Variants in EIF4E3 observed in about 807,000 individuals in gnomAD.
EIF4E3 encodes eukaryotic translation initiation factor 4E family member 3.
In EIF4E3, 26 loss-of-function variants were observed where a neutral mutation model predicts 31.7. That is an observed-to-expected ratio of 0.82 (90% CI 0.60 to 1.14). The LOEUF (loss-of-function observed/expected upper bound fraction) is 1.14, where lower values mean the gene tolerates loss of function less well. EIF4E3 is among the 50% of genes most tolerant of loss of function. The probability of loss-of-function intolerance (pLI) is 0.00; values close to 1 mark genes in which losing one functional copy is unlikely to be tolerated. For missense variants in EIF4E3, 304 were observed against 270.9 expected (o/e 1.12, Z -0.86); for synonymous variants, 128 against 107.7 (o/e 1.19, Z -1.17).
In EIF4E3 at chr3:71,725,042, A is replaced by C; in HGVS notation, c.176+150T>G. The stretch of plus-strand genomic sequence containing the variant: ...AGCTGGCTTCCGACCCGGCGGGGCG[A>C]GTCCCGGGGTGCGCAGGCGGACGCG... On this transcript the variant is annotated intron_variant, in intron 1 of 6. Transcript: ENST00000425534. The surrounding 1 kb of genome is among the most constrained non-coding windows in gnomAD (Gnocchi z 6.1). The C allele has an allele frequency of 1.9e-6, 1 of 534,136 alleles. No homozygotes were observed. The highest frequency in any genetic ancestry group is 2.4e-6 in the Non-Finnish European group (1 of 413,424). The allele number at this position is 534,136 out of a possible 1,614,324, so 33.1% of individuals were successfully genotyped here.
At chr3:71,693,761 A>T (rs2049095116) in intron 5 of EIF4E3, 114 bp downstream of exon 5, 1 of 1,037,666 alleles carries the variant, frequency 9.6e-7, no homozygotes, top group African/African-American at 1.6e-5. Flanking sequence ...GTTCCAAAAT[A>T]AACAACTTCA....
At chr3:71,708,748 TA>T (rs1372565208) in intron 2 of EIF4E3, among the ~76,000 whole-genome samples, 1 of 152,098 alleles carries the variant, frequency 6.6e-6, no homozygotes, top group Non-Finnish European at 1.5e-5. Context: ...CTCTGAGGAT[TA>T]AAAAATGGCC....
At chr3:71,695,632 T>C (rs2049125544) in intron 4 of EIF4E3, among the ~76,000 whole-genome samples, 1 of 152,208 alleles carries the variant, frequency 6.6e-6, no homozygotes, top group Non-Finnish European at 1.5e-5. Context: ...TTTGCACCTT[T>C]GACAAATAAA....
At chr3:71,687,357 G>A (rs1004378084) in intron 6 of EIF4E3, among the ~76,000 whole-genome samples, 47 of 152,272 alleles carry the variant, frequency 3.1e-4, no homozygotes, top group African/African-American at 1.0e-3. Flanking sequence ...TAGGTAATAC[G>A]GAAACAAATG....
chr3:71,660,793 C>A, the EIF4E3 span, among the ~76,000 whole-genome samples: 2 of 152,154 alleles, frequency 1.3e-5, no homozygotes, highest in African/African-American at 4.8e-5. Context: ...AAGGAGATGT[C>A]GTTTTTGGAA....
At chr3:71,726,056 G>A (rs994127534), upstream of EIF4E3, among the ~76,000 whole-genome samples, 3 of 152,190 alleles carry the variant, frequency 2.0e-5, no homozygotes, top group African/African-American at 7.2e-5. Flanking sequence ...ACCGACTGGG[G>A]CATGAGGTTG....
chr3:71,710,266 G>A (rs2049355904), intron 2 of EIF4E3, 146 bp downstream of exon 2: 1 of 853,066 alleles, frequency 1.2e-6, no homozygotes, highest in Non-Finnish European at 1.9e-6. Flanking sequence ...CTTGGTCAAG[G>A]GCAGCTGTGC....
Position 71,698,040 on chromosome 3 carries a change from G to A in EIF4E3, c.345-1520C>T, listed in dbSNP as rs945033325. Reference sequence around the variant, plus strand: ...ATCTACATTTCCACCAACAGTGTACGAGGGCTCCCCTTTCTCCACACCCTC... The same window carrying A: ...ATCTACATTTCCACCAACAGTGTACAAGGGCTCCCCTTTCTCCACACCCTC... On this transcript the variant is annotated intron_variant, in intron 3 of 6. Transcript: ENST00000425534. Among the ~76,000 whole-genome samples, 7 of 152,124 alleles carry A rather than the reference G, an allele frequency of 4.6e-5. No individual in the cohort carries two copies. The South Asian group carries it at 1.0e-3, about 23-fold the overall frequency.
intron 6 of EIF4E3, among the ~76,000 whole-genome samples, chr3:71,688,537 G>C (rs2049021920): frequency 6.6e-6 from 1 of 152,206 alleles, no homozygotes; most frequent in Admixed American, 6.5e-5. Flanking sequence ...TAAAGTGCCT[G>C]ACTTAACGAC....
rs1341269717 is a variant in EIF4E3, at chr3:71,681,774, T to G, written c.*2908A>C. The stretch of plus-strand genomic sequence containing the variant: ...CTATAGGACCCAATTATACCTAAAG[T>G]TTCTAAGCTATAAAGTCTTGTGACT... On this transcript the variant is annotated 3_prime_UTR_variant, in exon 7 of 7. Transcript: ENST00000425534. 6.6e-6 allele frequency: 1 copy of G among 152,260 alleles called. No homozygotes were observed. Among genetic ancestry groups the G allele is most frequent in the East Asian group, 1.9e-4 (1 of 5,186 alleles). 9.4% of individuals were successfully genotyped at this position (152,260 alleles called of 1,614,324 possible). A position where few individuals can be genotyped will look rare whatever the true frequency, so the allele number is the denominator to read the frequency against.
chr3:71,689,486 C>T (rs976400951), intron 6 of EIF4E3, among the ~76,000 whole-genome samples: 2 of 152,130 alleles, frequency 1.3e-5, no homozygotes, highest in African/African-American at 4.8e-5. Flanking sequence ...AACATTTCAC[C>T]ACTAGGCGTG....
intron 1 of EIF4E3, among the ~76,000 whole-genome samples, chr3:71,744,599 G>A (rs1033194056): frequency 6.6e-6 from 1 of 152,120 alleles, no homozygotes; most frequent in Non-Finnish European, 1.5e-5. Context: ...ACAAAAATTA[G>A]CTGGGCATGG....
chr3:71,722,392 C>T (rs573666437), intron 1 of EIF4E3, among the ~76,000 whole-genome samples: 1 of 152,250 alleles, frequency 6.6e-6, no homozygotes, highest in East Asian at 1.9e-4. Context: ...GTGTAAATGG[C>T]ACAAAGAAGA....
rs983058993 is a variant in EIF4E3 at position 71,684,066 on chromosome 3, A to G, written c.*616T>C. 3 of 152,562 alleles carry G rather than the reference A, an allele frequency of 2.0e-5. No individual in the cohort carries two copies. The highest frequency in any genetic ancestry group is 7.2e-5 in the African/African-American group (3 of 41,464). 9.5% of individuals were successfully genotyped at this position (152,562 alleles called of 1,614,324 possible). A position where few individuals can be genotyped will look rare whatever the true frequency, so the allele number is the denominator to read the frequency against. ...ATTTTCCTTTTATCACTAAAAAAAAATGTTTTAAAAAGGAAAATTAAAGAT... is the reference window on the plus strand; with the variant it reads ...ATTTTCCTTTTATCACTAAAAAAAAGTGTTTTAAAAAGGAAAATTAAAGAT... On this transcript the variant is annotated 3_prime_UTR_variant, in exon 7 of 7. Transcript: ENST00000425534.
intron 1 of EIF4E3, among the ~76,000 whole-genome samples, chr3:71,731,045 A>G (rs577846756): frequency 9.4e-4 from 143 of 152,102 alleles, no homozygotes; most frequent in African/African-American, 3.3e-3. Flanking sequence ...CTTTATTCCC[A>G]CTGGTGCCAG....
At chr3:71,752,937 T>C (rs1029320132) in intron 1 of EIF4E3, among the ~76,000 whole-genome samples, 1 of 152,054 alleles carries the variant, frequency 6.6e-6, no homozygotes, top group African/African-American at 2.4e-5. Context: ...AAAATAGATA[T>C]CCTGGGAGGA....
chr3:71,694,658 T>A (rs1578340768), intron 4 of EIF4E3, among the ~76,000 whole-genome samples: 1 of 152,210 alleles, frequency 6.6e-6, no homozygotes, highest in East Asian at 1.9e-4. Flanking sequence ...TGGTCCCATT[T>A]ATCCTCCTTC....
rs150322818 is a variant in EIF4E3 at position 71,710,657 on chromosome 3, G to T, written c.177-173C>A. ...AAATGTGAAATCCCTACTTTGTGAA[G>T]TCATGTGTTGGCTTCTTCTAAAAAT... On this transcript the variant is annotated intron_variant, in intron 1 of 6. Transcript: ENST00000425534. Among the ~76,000 whole-genome samples the T allele has an allele frequency of 5.2e-3, 788 of 152,300 alleles. 4 individuals carry two copies. The highest frequency in any genetic ancestry group is 0.026 in the South Asian group (126 of 4,830).
chr3:71,733,732 T>C lies in EIF4E3; in HGVS notation c.-290-5109A>G, dbSNP rs1229004171. ...TGAATCCTTCTGTGATTTAAAACCA[T>C]TCATTAAAGTGTAGATTGAAATACT... On this transcript the variant is annotated intron_variant, in intron 1 of 7. Transcript: ENST00000295612. 2.0e-5 allele frequency among the ~76,000 whole-genome samples: 3 copies of C among 152,212 alleles called. No individual in the cohort carries two copies. The East Asian group carries it at 5.8e-4, about 29-fold the overall frequency.
Sources: allele counts gnomAD v4.1 joint callset (sites outside exome capture counted in the v4.1 genomes callset), GRCh38; gene constraint gnomAD v4.1.1; non-coding constraint Gnocchi (gnomAD v3.1); transcripts MANE v1.5; gene names NCBI Gene and HGNC (gene_info 2026-07-23, HGNC 2026-07-21).